Variants in ELL observed in about 807,000 individuals in gnomAD.
The protein encoded by ELL is elongation factor for RNA polymerase II.
ELL carries 18 observed loss-of-function variants against 64.0 expected under a neutral mutation model. The observed-to-expected ratio is 0.28, with a 90% CI of 0.19 to 0.42. The LOEUF (loss-of-function observed/expected upper bound fraction) is 0.42. ELL is among the 10% of genes least tolerant of loss of function. ELL has a pLI of 1.00. For synonymous variants in ELL, 399 were observed against 376.2 expected, an observed-to-expected ratio of 1.06 and a Z score of -0.70; for missense variants, 797 against 870.4, an observed-to-expected ratio of 0.92 and a Z score of 1.06.
intron 4 of ELL, among the ~76,000 whole-genome samples, chr19:18,462,689 G>C (rs1426908893): frequency 6.6e-6 from 1 of 152,174 alleles, no homozygotes; most frequent in Non-Finnish European, 1.5e-5. Context: ...ACCTGAGGCA[G>C]GGGCTGTTTG....
chr19:18,516,914 G>A (rs545449086), intron 1 of ELL, among the ~76,000 whole-genome samples: 8 of 152,230 alleles, frequency 5.3e-5, no homozygotes, highest in African/African-American at 1.7e-4. Flanking sequence ...GTGGAGCTGA[G>A]ATTCAAATGG....
intron 1 of ELL, among the ~76,000 whole-genome samples, chr19:18,479,414 G>A (rs1478670483): frequency 6.6e-6 from 1 of 152,118 alleles, no homozygotes; most frequent in Non-Finnish European, 1.5e-5. Context: ...GAAGAAGAAC[G>A]TATCTGATTG....
intron 1 of ELL, among the ~76,000 whole-genome samples, chr19:18,509,582 T>TGCGCGCGCGCGCGCGCGC (rs138250487): frequency 5.2e-5 from 5 of 95,536 alleles, no homozygotes; most frequent in Non-Finnish European, 6.3e-5. Flanking sequence ...CCAATGCACG[T>TGCGCGCGCGCGCGCGCGC]GCGCGCGCGC....
At chr19:18,455,887 T>G (rs1974661899) in intron 6 of ELL, among the ~76,000 whole-genome samples, 1 of 151,960 alleles carries the variant, frequency 6.6e-6, no homozygotes. Flanking sequence ...TCACCTGAGA[T>G]CCGGAGTTTG....
At chr19:18,488,406 G>T (rs988364272) in intron 1 of ELL, among the ~76,000 whole-genome samples, 1 of 152,238 alleles carries the variant, frequency 6.6e-6, no homozygotes, top group African/African-American at 2.4e-5. Flanking sequence ...AAGCTGGATA[G>T]GAGCTGCAGA....
At chr19:18,460,926 A>T (rs572992034) in intron 5 of ELL, among the ~76,000 whole-genome samples, 4 of 152,242 alleles carry the variant, frequency 2.6e-5, no homozygotes, top group African/African-American at 9.6e-5. Context: ...TCCCCTTCCC[A>T]GGGACCCCAG....
At chr19:18,467,362 C>T (rs890252756) in intron 2 of ELL, among the ~76,000 whole-genome samples, 2 of 152,182 alleles carry the variant, frequency 1.3e-5, no homozygotes, top group South Asian at 4.1e-4. Flanking sequence ...AACATGTCCC[C>T]CTAAGGCAGG....
chr19:18,517,778 C>G (rs1438299985), intron 1 of ELL, among the ~76,000 whole-genome samples: 1 of 150,448 alleles, frequency 6.6e-6, no homozygotes, highest in Non-Finnish European at 1.5e-5. Flanking sequence ...TCCCGGCACT[C>G]TGGGCAGCTG....
At chr19:18,506,440 T>C in intron 1 of ELL, among the ~76,000 whole-genome samples, 1 of 152,242 alleles carries the variant, frequency 6.6e-6, no homozygotes, top group Non-Finnish European at 1.5e-5. Flanking sequence ...CCCAGACTTC[T>C]GCTCGGCTGG....
intron 5 of ELL, 114 bp from the exon 6 acceptor site, chr19:18,458,443 C>A (rs1974729863): frequency 6.7e-7 from 1 of 1,487,614 alleles, no homozygotes; most frequent in Non-Finnish European, 9.0e-7. Context: ...GGGAGACAGA[C>A]AGAGACAGAG....
rs765676443 is a variant in ELL at position 18,462,334 on chromosome 19, G to GGTGTGTGT, written c.470-483_470-482insACACACAC. 3.6e-4 allele frequency among the ~76,000 whole-genome samples: 33 copies of GGTGTGTGT among 90,562 alleles called. 2 individuals carry two copies. Among genetic ancestry groups the GGTGTGTGT allele is most frequent in the African/African-American group, 1.8e-3 (26 of 14,222 alleles). The allele number at this position is 90,562 out of a possible 152,430, so 59.4% of individuals were successfully genotyped here. A position where few individuals can be genotyped will look rare whatever the true frequency, so the allele number is the denominator to read the frequency against. The stretch of plus-strand genomic sequence containing the variant: ...TGAAATCACCTGATCACTCTAGTGG[G>GGTGTGTGT]CTGTGTGTGTGTGTGTGTGTGTGTG... On this transcript the variant is annotated intron_variant, in intron 4 of 11. Coordinates refer to ENST00000262809, the MANE Select transcript of ELL (RefSeq NM_006532.4).
At chr19:18,511,036 G>A (rs907137412) in intron 1 of ELL, among the ~76,000 whole-genome samples, 1 of 152,170 alleles carries the variant, frequency 6.6e-6, no homozygotes, top group Non-Finnish European at 1.5e-5. Context: ...GGGAGGCTGA[G>A]GCGGGCAGAT....
At chr19:18,488,842 C>T (rs950037019) in intron 1 of ELL, among the ~76,000 whole-genome samples, 2 of 152,160 alleles carry the variant, frequency 1.3e-5, no homozygotes, top group Non-Finnish European at 2.9e-5. Flanking sequence ...CCCAAAATGA[C>T]GAGGCAATGG....
chr19:18,498,233 C>T (rs1289916477), intron 1 of ELL, among the ~76,000 whole-genome samples: 3 of 151,916 alleles, frequency 2.0e-5, no homozygotes, highest in Non-Finnish European at 2.9e-5. Flanking sequence ...TGCGGGGAGG[C>T]GGGGAGAAGT....
chr19:18,475,048 C>G (rs1975148165), intron 1 of ELL, among the ~76,000 whole-genome samples: 1 of 152,164 alleles, frequency 6.6e-6, no homozygotes, highest in African/African-American at 2.4e-5. Flanking sequence ...CACTTCAACC[C>G]AGGAAGTGGA....
intron 6 of ELL, among the ~76,000 whole-genome samples, chr19:18,454,763 C>T (rs1974618382): frequency 6.8e-6 from 1 of 147,096 alleles, no homozygotes; most frequent in African/African-American, 2.6e-5. Flanking sequence ...ATCACTTGAA[C>T]CTGGGAGGCA....
At chr19:18,481,434 C>A (rs755565057) in intron 1 of ELL, among the ~76,000 whole-genome samples, 6 of 152,152 alleles carry the variant, frequency 3.9e-5, no homozygotes, top group Non-Finnish European at 5.9e-5. Context: ...CTTGTGGCTG[C>A]ATCACCCTAA....
intron 1 of ELL, among the ~76,000 whole-genome samples, chr19:18,480,962 G>A (rs368788575): frequency 6.6e-6 from 1 of 152,148 alleles, no homozygotes; most frequent in African/African-American, 2.4e-5. Context: ...CTGCATTCAC[G>A]AAGGTGCATA....
In ELL at chr19:18,443,843, T is replaced by C; in HGVS notation, c.*909A>G. Reference sequence around the variant, plus strand: ...CTAAGACGACCCCAGGACCCACAAGTGGACAGAGGGACGGAGGGAGGCCAG... The same window carrying C: ...CTAAGACGACCCCAGGACCCACAAGCGGACAGAGGGACGGAGGGAGGCCAG... On this transcript the variant is annotated 3_prime_UTR_variant, in exon 12 of 12. Coordinates refer to ENST00000262809, the MANE Select transcript of ELL (RefSeq NM_006532.4). 4.3e-6 allele frequency: 1 copy of C among 232,798 alleles called. No homozygotes were observed. Among genetic ancestry groups the C allele is most frequent in the African/African-American group, 2.2e-5 (1 of 45,334 alleles). 14.4% of individuals were successfully genotyped at this position (232,798 alleles called of 1,614,324 possible). A position where few individuals can be genotyped will look rare whatever the true frequency, so the allele number is the denominator to read the frequency against.
Sources: gnomAD v4.1 joint callset for allele counts (sites outside exome capture counted in the v4.1 genomes callset) on GRCh38, gnomAD v4.1.1 for gene constraint, MANE v1.5 for transcripts, NCBI Gene and HGNC (gene_info 2026-07-23, HGNC 2026-07-21) for gene names.